The following CTNNB1 variants were observed in gnomAD, a reference collection of about 807,000 sequenced individuals.
The protein encoded by CTNNB1 is catenin beta-1.
CTNNB1 carries 6 observed loss-of-function variants against 82.5 expected under a neutral mutation model. That is an observed-to-expected ratio of 0.07 (90% CI 0.04 to 0.14). CTNNB1 has a LOEUF of 0.14. CTNNB1 is among the 10% of genes least tolerant of loss of function. The pLI, the probability that CTNNB1 is intolerant of heterozygous loss-of-function variation, is 1.00. For synonymous variants in CTNNB1, 312 were observed against 329.7 expected (o/e 0.95, Z 0.58); for missense variants, 529 against 980.4 (o/e 0.54, Z 6.15).
At chr3:41,238,132 TTATC>T in intron 14 of CTNNB1, 56 bp downstream of exon 14, 1 of 1,509,432 alleles carries the variant, frequency 6.6e-7, no homozygotes, top group Non-Finnish European at 9.2e-7. Flanking sequence ...TCTAAAACTT[TTATC>T]AGAAGAGCCG....
chr3:41,225,831 A>G lies in CTNNB1; in HGVS notation c.906A>G (p.Gln302=), dbSNP rs375262741. 6.2e-7 allele frequency: 1 copy of G among 1,613,742 alleles called. No individual in the cohort carries two copies. The highest frequency in any genetic ancestry group is 1.3e-5 in the African/African-American group (1 of 74,904). Residue 302 remains glutamine (Q), a synonymous_variant, in exon 6 of 15, where the codon CAA becomes CAG. Coordinates refer to ENST00000349496, the MANE Select transcript of CTNNB1 (RefSeq NM_001904.4). This position sits in a 1 kb window ranked among gnomAD's most constrained non-coding sequence, Gnocchi z 5.3. ...KFLAITTDCL[Q]ILAYGNQESK... ...TGGCTATTACGACAGACTGCCTTCA[A>G]ATTTTAGCTTATGGCAACCAAGAAA...
intron 6 of CTNNB1, among the ~76,000 whole-genome samples, chr3:41,226,113 C>T (rs2078170314): frequency 1.3e-5 from 2 of 152,198 alleles, no homozygotes; most frequent in Admixed American, 6.5e-5. Flanking sequence ...GTTTCTACTC[C>T]TATGAGACTC....
chr3:41,212,674 A>G (rs979588809), intron 1 of CTNNB1, among the ~76,000 whole-genome samples: 4 of 152,206 alleles, frequency 2.6e-5, no homozygotes, highest in Non-Finnish European at 4.4e-5. Context: ...TAAACATTTG[A>G]AATGTGGCTG....
At chr3:41,211,883 A>G (rs1440667769) in intron 1 of CTNNB1, among the ~76,000 whole-genome samples, 1 of 152,164 alleles carries the variant, frequency 6.6e-6, no homozygotes, top group Non-Finnish European at 1.5e-5. Flanking sequence ...TCCCCCTTAA[A>G]TGTGTTTTCA....
At chr3:41,239,003 G>GCGTTGTTTTCTGACAAGT in intron 14 of CTNNB1, 131 bp from the exon 15 acceptor site, 1 of 786,148 alleles carries the variant, frequency 1.3e-6, no homozygotes, top group South Asian at 1.4e-5. Flanking sequence ...AGGCTAGAAA[G>GCGTTGTTTTCTGACAAGT]CGTTGTTTTC....
intron 6 of CTNNB1, among the ~76,000 whole-genome samples, chr3:41,226,451 T>TTGAGTTCAGTGTTCAAGGA: frequency 6.6e-6 from 1 of 152,272 alleles, no homozygotes; most frequent in South Asian, 2.1e-4. Context: ...GAAGTGATAG[T>TTGAGTTCAGTGTTCAAGGA]TGAGTTCAGT....
At chr3:41,234,470 C>T in intron 10 of CTNNB1, 173 bp downstream of exon 10, 1 of 699,140 alleles carries the variant, frequency 1.4e-6, no homozygotes, top group South Asian at 1.7e-5. Flanking sequence ...GAAAATAAGG[C>T]ATAGTGTGGC....
intron 1 of CTNNB1, among the ~76,000 whole-genome samples, chr3:41,201,372 A>G (rs2371452): frequency 0.4 from 60,918 of 151,964 alleles, 12,575 homozygotes; most frequent in Non-Finnish European, 0.46. Flanking sequence ...GTACCCTTAA[A>G]GGTTTGAGGA....
At chr3:41,220,404 TCACC>T (rs995564084) in intron 1 of CTNNB1, 1 of 123,672 alleles carries the variant, frequency 8.1e-6, no homozygotes, top group Non-Finnish European at 1.7e-5. Context: ...ACCCACACCC[TCACC>T]CACCCACCCC....
chr3:41,237,068 A>T, intron 13 of CTNNB1: 1 of 385,582 alleles, frequency 2.6e-6, no homozygotes, highest in Non-Finnish European at 4.6e-6. Context: ...ACTTTAATAA[A>T]ACTTTTCTAT....
Position 41,236,775 on chromosome 3 carries a change from C to G in CTNNB1, c.2076+66C>G, listed in dbSNP as rs539803026. 5 of 1,596,604 alleles carry G rather than the reference C, an allele frequency of 3.1e-6. No homozygotes were observed. In the East Asian group the frequency reaches 1.1e-4, roughly 36 times the overall value. On this transcript the variant is annotated intron_variant, in intron 13 of 14. Transcript: ENST00000349496. ...GAGCAGGTATGGCAGCTTGTTCTTT[C>G]CTCTCAAAACACTTAGTACACATTC...
At chr3:41,227,755 C>T (rs2078211514) in intron 7 of CTNNB1, among the ~76,000 whole-genome samples, 1 of 152,054 alleles carries the variant, frequency 6.6e-6, no homozygotes, top group South Asian at 2.1e-4. Context: ...CTTTTAGGTT[C>T]CGGGTAATGT....
At chr3:41,233,198 A>C (rs954732849) in intron 7 of CTNNB1, 143 bp from the exon 8 acceptor site, 1 of 751,258 alleles carries the variant, frequency 1.3e-6, no homozygotes, top group Non-Finnish European at 2.3e-6. Context: ...ATTCTAGAAA[A>C]TGAGAGGAAA....
At chr3:41,235,677 T>C (rs2125644317) in intron 10 of CTNNB1, 47 bp from the exon 11 acceptor site, 2 of 1,613,638 alleles carry the variant, frequency 1.2e-6, no homozygotes, top group Non-Finnish European at 1.7e-6. Context: ...TTCCTCAAAC[T>C]TTACAGAGGA....
Position 41,239,153 on chromosome 3 carries a change from T to G in CTNNB1, c.2157T>G (p.Phe719Leu), listed in dbSNP as rs1230378066. The G allele has an allele frequency of 1.9e-5, 31 of 1,614,060 alleles. No homozygotes were observed. The highest frequency in any genetic ancestry group is 2.5e-5 in the Non-Finnish European group (30 of 1,180,016). ...YRQDDPSYRS[F>L]HSGGYGQDAL... is the part of the protein sequence containing the mutation. ...TTCTAGATCCTAGCTATCGTTCTTT[T>G]CACTCTGGTGGATATGGCCAGGATG... The change falls in exon 15 of 15, where the codon TTT becomes TTG. Residue 719 changes from phenylalanine (F) to leucine (L), a missense_variant. Physicochemically the swap from Phe to Leu is conservative, Grantham distance 22 (BLOSUM62 0). Transcript: ENST00000349496.
intron 1 of CTNNB1, among the ~76,000 whole-genome samples, chr3:41,205,071 TTAAA>T (rs1199903857): frequency 6.6e-6 from 1 of 152,208 alleles, no homozygotes. Flanking sequence ...CTCAACCATC[TTAAA>T]TAGAGTTCTT....
intron 7 of CTNNB1, among the ~76,000 whole-genome samples, chr3:41,231,306 G>A (rs548927760): frequency 9.5e-5 from 14 of 148,096 alleles, no homozygotes; most frequent in East Asian, 4.0e-4. Context: ...CAGCCTGGGC[G>A]ACAGAGTGAG....
At chr3:41,238,336 C>G (rs2078489806) in intron 14 of CTNNB1, 2 of 460,706 alleles carry the variant, frequency 4.3e-6, no homozygotes, top group Non-Finnish European at 3.9e-6. Context: ...CAGGATGTTA[C>G]AATTTACCTG....
chr3:41,236,316 T>C (rs1314098497), intron 11 of CTNNB1, 33 bp from the exon 12 acceptor site: 1 of 1,613,900 alleles, frequency 6.2e-7, no homozygotes, highest in East Asian at 2.2e-5. Flanking sequence ...TAGCTTTAGA[T>C]TTAATTAGGT....
Sources: gnomAD v4.1 joint callset for allele counts (sites outside exome capture counted in the v4.1 genomes callset) on GRCh38, gnomAD v4.1.1 for gene constraint, Gnocchi (gnomAD v3.1) non-coding constraint, MANE v1.5 for transcripts, NCBI Gene and HGNC (gene_info 2026-07-23, HGNC 2026-07-21) for gene names.